Variants in CUX2 observed in about 807,000 individuals in gnomAD.
CUX2 encodes the protein cut like homeobox 2, also known as homeobox protein cut-like 2.
Under a neutral mutation model 144.8 loss-of-function variants are expected in CUX2, and 40 were observed. That is an observed-to-expected ratio of 0.28 (90% CI 0.21 to 0.36). The LOEUF is 0.36. Among genes scored for constraint, CUX2 ranks in the 10% least tolerant of loss-of-function variants. The pLI, the probability that CUX2 is intolerant of heterozygous loss-of-function variation, is 1.00. For synonymous variants in CUX2, 827 were observed against 875.6 expected, an observed-to-expected ratio of 0.94 and a Z score of 0.98; for missense variants, 1,615 against 1,994.0, an observed-to-expected ratio of 0.81 and a Z score of 3.62.
At chr12:111,036,624 A>C (rs1869462900) in intron 1 of CUX2, among the ~76,000 whole-genome samples, 1 of 148,370 alleles carries the variant, frequency 6.7e-6, no homozygotes, top group Non-Finnish European at 1.5e-5. Flanking sequence ...TACAGGGTGT[A>C]TATGTGAAGG....
chr12:111,175,714 T>G (rs1383094749), intron 1 of CUX2, among the ~76,000 whole-genome samples: 10 of 152,174 alleles, frequency 6.6e-5, no homozygotes, highest in African/African-American at 1.7e-4. Context: ...AAAGCAAGTT[T>G]TCTTTTATCC....
At chr12:111,213,994 AG>A (rs992125854) in intron 1 of CUX2, among the ~76,000 whole-genome samples, 2 of 152,068 alleles carry the variant, frequency 1.3e-5, no homozygotes, top group African/African-American at 4.8e-5. Context: ...GAGCAAAAAA[AG>A]CTGTCCTGGA....
In CUX2 at chr12:111,059,617, A is replaced by G. The variant is rs1191614551; in HGVS notation, c.63+25377A>G. On this transcript the variant is annotated intron_variant, in intron 1 of 21. Coordinates refer to ENST00000261726, the MANE Select transcript of CUX2 (RefSeq NM_015267.4). This position sits in a 1 kb window ranked among gnomAD's most constrained non-coding sequence, Gnocchi z 5.3. Reference sequence around the variant, plus strand: ...CTAGAGGTGGGGAGGTGGGAGATGAAGTGGGGGCAGGGTGGCAGGAGCCAG... The same window carrying G: ...CTAGAGGTGGGGAGGTGGGAGATGAGGTGGGGGCAGGGTGGCAGGAGCCAG... 6.6e-6 allele frequency among the ~76,000 whole-genome samples: 1 copy of G among 151,992 alleles called. No homozygotes were observed. The highest frequency in any genetic ancestry group is 1.9e-4 in the East Asian group (1 of 5,180).
At chr12:111,128,464 A>G (rs890545136) in intron 1 of CUX2, among the ~76,000 whole-genome samples, 1 of 152,224 alleles carries the variant, frequency 6.6e-6, no homozygotes, top group African/African-American at 2.4e-5. Context: ...AATGGGGACC[A>G]TGGGCATTTG....
chr12:111,199,440 T>G (rs1222535776), intron 1 of CUX2, among the ~76,000 whole-genome samples: 1 of 152,126 alleles, frequency 6.6e-6, no homozygotes, highest in African/African-American at 2.4e-5. Flanking sequence ...GGAAACAGAC[T>G]CAGGCGTTAG....
At chr12:111,046,834 T>C (rs1870016383) in intron 1 of CUX2, among the ~76,000 whole-genome samples, 1 of 152,152 alleles carries the variant, frequency 6.6e-6, no homozygotes, top group South Asian at 2.1e-4. Context: ...TTTTTGTATT[T>C]TCAGTAGAGA....
rs760004169 is a variant in CUX2, at chr12:111,310,522, G to T, written c.1740G>T (p.Val580=). Residue 580 remains valine (V), a synonymous_variant, in exon 15 of 22, where the codon GTG becomes GTT. Transcript: ENST00000261726. This position sits in a 1 kb window ranked among gnomAD's most constrained non-coding sequence, Gnocchi z 7.9. ...NIGQRVFGHY[V]LGLSQGSVSE... is the part of the protein sequence containing the mutation. ...GGCAGCGGGTGTTTGGGCATTACGT[G>T]CTGGGGCTGTCGCAGGGCTCGGTCA... The T allele has an allele frequency of 2.7e-5, 44 of 1,613,972 alleles. No homozygotes were observed. Among genetic ancestry groups the T allele is most frequent in the African/African-American group, 4.0e-5 (3 of 74,950 alleles).
At chr12:111,282,715 C>G (rs1009166970) in intron 4 of CUX2, among the ~76,000 whole-genome samples, 6 of 151,476 alleles carry the variant, frequency 4.0e-5, no homozygotes, top group African/African-American at 1.5e-4. Context: ...GCTGGAAGTC[C>G]AAGATCAAGG....
intron 1 of CUX2, among the ~76,000 whole-genome samples, chr12:111,139,858 T>C (rs1203234108): frequency 6.6e-6 from 1 of 152,168 alleles, no homozygotes; most frequent in Non-Finnish European, 1.5e-5. Flanking sequence ...CCACTTGGAC[T>C]TACAGGTCCA....
intron 15 of CUX2, among the ~76,000 whole-genome samples, chr12:111,311,594 A>ATT (rs767367160): frequency 0.017 from 2,288 of 133,458 alleles, 129 homozygotes; most frequent in African/African-American, 0.068. Flanking sequence ...CTATTTCTTT[A>ATT]TTATTATTAT....
chr12:111,258,611 C>T (rs1355100477), intron 3 of CUX2, among the ~76,000 whole-genome samples: 1 of 152,016 alleles, frequency 6.6e-6, no homozygotes, highest in African/African-American at 2.4e-5. Flanking sequence ...GAAATCTACA[C>T]GGCTCCTGTC....
intron 21 of CUX2, among the ~76,000 whole-genome samples, chr12:111,347,228 G>T (rs1888843606): frequency 6.6e-6 from 1 of 152,150 alleles, no homozygotes; most frequent in African/African-American, 2.4e-5. Flanking sequence ...TCTAGATCAT[G>T]AGCTTTGGGA....
rs76930295 is a variant in CUX2 at position 111,320,881 on chromosome 12, C to G, written c.2766+106C>G. On this transcript the variant is annotated intron_variant, in intron 17 of 21. Coordinates refer to ENST00000261726, the MANE Select transcript of CUX2 (RefSeq NM_015267.4). This position sits in a 1 kb window ranked among gnomAD's most constrained non-coding sequence, Gnocchi z 8.1. ...CGGGACCCCAGGGGCCCAGGCCCTTCATTCCTGAGTCCTGCTGTCCCTGGG... is the reference window on the plus strand; with the variant it reads ...CGGGACCCCAGGGGCCCAGGCCCTTGATTCCTGAGTCCTGCTGTCCCTGGG... The G allele has an allele frequency of 9.8e-3, 11,995 of 1,223,930 alleles. 609 individuals carry two copies. In the East Asian group the frequency reaches 0.11, roughly 11 times the overall value. The allele number at this position is 1,223,930 out of a possible 1,614,324, so 75.8% of individuals were successfully genotyped here.
At chr12:111,095,742 TG>T (rs2136060798) in intron 1 of CUX2, among the ~76,000 whole-genome samples, 1 of 152,298 alleles carries the variant, frequency 6.6e-6, no homozygotes, top group African/African-American at 2.4e-5. Context: ...AAAATTGTAT[TG>T]ATCAATATTA....
intron 1 of CUX2, among the ~76,000 whole-genome samples, chr12:111,195,258 C>G (rs540662370): frequency 6.6e-6 from 1 of 152,094 alleles, no homozygotes; most frequent in Non-Finnish European, 1.5e-5. Flanking sequence ...ACTGTTCCAT[C>G]GCTTAAAAAT....
Position 111,347,842 on chromosome 12 carries a change from TC to T in CUX2, c.3984del (p.Glu1330ArgfsTer49). 6.2e-7 allele frequency: 1 copy of T among 1,613,006 alleles called. No homozygotes were observed. The highest frequency in any genetic ancestry group is 8.5e-7 in the Non-Finnish European group (1 of 1,179,808). The part of the protein sequence containing the change: ...DSGELDKGQG[P>X]PKEEHPDPPG... Reference sequence around the variant, plus strand: ...CAGGGGAGCTGGACAAAGGCCAAGGTCCCCCCAAAGAGGAGCATCCCGACCC... The same window carrying T: ...CAGGGGAGCTGGACAAAGGCCAAGGTCCCCCAAAGAGGAGCATCCCGACCC... On this transcript the variant is annotated frameshift_variant, in exon 22 of 22. Transcript: ENST00000261726. LOFTEE classifies it high-confidence loss of function.
At chr12:111,052,695 G>T (rs1229605358) in intron 1 of CUX2, among the ~76,000 whole-genome samples, 1 of 152,180 alleles carries the variant, frequency 6.6e-6, no homozygotes, top group Non-Finnish European at 1.5e-5. Flanking sequence ...GGATCTGTGT[G>T]TGTGTGTCAG....
At chr12:111,128,899 G>GT (rs1875261687) in intron 1 of CUX2, among the ~76,000 whole-genome samples, 1 of 152,222 alleles carries the variant, frequency 6.6e-6, no homozygotes, top group African/African-American at 2.4e-5. Context: ...GCCTAGACCT[G>GT]TTGCAGAGCC....
At chr12:111,249,397 T>A (rs2136272524) in intron 3 of CUX2, among the ~76,000 whole-genome samples, 1 of 147,570 alleles carries the variant, frequency 6.8e-6, no homozygotes, top group Admixed American at 6.7e-5. Flanking sequence ...CGGGTGCTAT[T>A]GCCTTTTTTT....
Sources: allele counts gnomAD v4.1 joint callset (sites outside exome capture counted in the v4.1 genomes callset), GRCh38; gene constraint gnomAD v4.1.1; non-coding constraint Gnocchi (gnomAD v3.1); transcripts MANE v1.5; gene names NCBI Gene and HGNC (gene_info 2026-07-23, HGNC 2026-07-21).